Variants in INPP5A observed in about 807,000 individuals in gnomAD.
INPP5A encodes 43 kDa inositol polyphosphate 5-phophatase.
In INPP5A, 14 loss-of-function variants were observed where a neutral mutation model predicts 65.2. The ratio of observed to expected loss-of-function variants is 0.21; its 90% CI spans 0.14 to 0.34. INPP5A has a LOEUF of 0.34. Ranked by LOEUF, INPP5A falls within the 10% of genes least tolerant of loss-of-function variation. The pLI, the probability that INPP5A is intolerant of heterozygous loss-of-function variation, is 1.00. For synonymous variants in INPP5A, 207 were observed against 208.3 expected (o/e 0.99, Z 0.05); for missense variants, 431 against 545.6 (o/e 0.79, Z 2.09).
chr10:132,703,308 G>A (rs1271980275), intron 6 of INPP5A, among the ~76,000 whole-genome samples: 1 of 152,098 alleles, frequency 6.6e-6, no homozygotes, highest in Non-Finnish European at 1.5e-5. Context: ...CGCGGTGCCT[G>A]TCTTCCCATC....
rs972336105 is a variant in INPP5A, at chr10:132,650,855, C to G, written c.306+350C>G. 4.0e-5 allele frequency among the ~76,000 whole-genome samples: 6 copies of G among 151,376 alleles called. No homozygotes were observed. The highest frequency in any genetic ancestry group is 1.2e-4 in the African/African-American group (5 of 41,168). The stretch of plus-strand genomic sequence containing the variant: ...TGTAGATGAGAGGTTGGACAGCAGC[C>G]GGTATTGCTTCAAGAGCCACCGTCG... On this transcript the variant is annotated intron_variant, in intron 4 of 15. Coordinates refer to ENST00000368594, the MANE Select transcript of INPP5A (RefSeq NM_005539.5). This position sits in a 1 kb window ranked among gnomAD's most constrained non-coding sequence, Gnocchi z 5.5.
rs565618249 is a variant in INPP5A, at chr10:132,782,815, T to G, written c.*786T>G. 13 of 152,352 alleles carry G rather than the reference T, an allele frequency of 8.5e-5. No homozygotes were observed. The highest frequency in any genetic ancestry group is 1.5e-4 in the Non-Finnish European group (10 of 68,030). 9.4% of individuals were successfully genotyped at this position (152,352 alleles called of 1,614,324 possible). Reference sequence around the variant, plus strand: ...GGTAAAATCGGCCCCACAGCACGTCTGCACCAGCGGGCCGTTACTCCCATG... The same window carrying G: ...GGTAAAATCGGCCCCACAGCACGTCGGCACCAGCGGGCCGTTACTCCCATG... On this transcript the variant is annotated 3_prime_UTR_variant, in exon 16 of 16. Coordinates refer to ENST00000368594, the MANE Select transcript of INPP5A (RefSeq NM_005539.5). The surrounding 1 kb of genome is among the most constrained non-coding windows in gnomAD (Gnocchi z 4.4).
At chr10:132,781,287 GCTCA>G (rs1396247007) in intron 14 of INPP5A, among the ~76,000 whole-genome samples, 3 of 152,216 alleles carry the variant, frequency 2.0e-5, no homozygotes, top group East Asian at 3.8e-4. Flanking sequence ...CTTGGGGCAG[GCTCA>G]CTGTCAGCCG....
intron 4 of INPP5A, among the ~76,000 whole-genome samples, chr10:132,666,605 A>C (rs2133426673): frequency 6.6e-6 from 1 of 152,344 alleles, no homozygotes; most frequent in Non-Finnish European, 1.5e-5. Context: ...TCTGGAGTGC[A>C]GCAGCATCTG....
chr10:132,748,346 C>T (rs1026275206), intron 9 of INPP5A, among the ~76,000 whole-genome samples: 16 of 152,226 alleles, frequency 1.1e-4, no homozygotes, highest in South Asian at 6.2e-4. Context: ...TGCCTCTGCC[C>T]GCCATGAGCA....
In INPP5A at chr10:132,555,504, G is replaced by A. The variant is rs1294950785; in HGVS notation, c.75+17333G>A. On this transcript the variant is annotated intron_variant, in intron 1 of 15. Transcript: ENST00000368594. The surrounding 1 kb of genome is among the most constrained non-coding windows in gnomAD (Gnocchi z 4.4). ...CTTGAAGTGACTCAGGGGACCTGGCGCCGTTGGTGTGTGCTCACAAAGTGC... is the reference window on the plus strand; with the variant it reads ...CTTGAAGTGACTCAGGGGACCTGGCACCGTTGGTGTGTGCTCACAAAGTGC... Among the ~76,000 whole-genome samples the A allele has an allele frequency of 2.0e-5, 3 of 152,102 alleles. No homozygotes were observed. Among genetic ancestry groups the A allele is most frequent in the Non-Finnish European group, 4.4e-5 (3 of 68,018 alleles).
intron 1 of INPP5A, among the ~76,000 whole-genome samples, chr10:132,540,298 G>A (rs1199548152): frequency 1.3e-5 from 2 of 152,138 alleles, no homozygotes; most frequent in Non-Finnish European, 2.9e-5. Flanking sequence ...ATATTAAATT[G>A]GGTAACTTAA....
At chr10:132,597,156 A>T (rs1471430900) in intron 1 of INPP5A, among the ~76,000 whole-genome samples, 1 of 150,452 alleles carries the variant, frequency 6.6e-6, no homozygotes, top group Non-Finnish European at 1.5e-5. Context: ...CATGTGTGTG[A>T]GTGTGTGTGC....
In INPP5A at chr10:132,781,909, G is replaced by T; in HGVS notation, c.1207G>T (p.Ala403Ser). 1 of 1,613,900 alleles carries T rather than the reference G, an allele frequency of 6.2e-7. No homozygotes were observed. Among genetic ancestry groups the T allele is most frequent in the Non-Finnish European group, 8.5e-7 (1 of 1,180,010 alleles). The change falls in exon 15 of 16, where the codon GCC (alanine) becomes TCC (serine). Residue 403 changes from alanine to serine, a missense_variant. By Grantham distance (99) the Ala-to-Ser change is moderately conservative. Coordinates refer to ENST00000368594, the MANE Select transcript of INPP5A (RefSeq NM_005539.5). Reference protein sequence around the residue: ...RIMPGAGKPHAHVHKCCVVQ With the variant: ...RIMPGAGKPHSHVHKCCVVQ ...CATGCCCGGGGCAGGTAAACCTCAT[G>T]CCCATGTGCACAAGTGTTGTGTCGT...
In INPP5A at chr10:132,613,019, A is replaced by C. The variant is rs117761677; in HGVS notation, c.117+5063A>C. ...ATGGGGGAGGGCAGTCTTGGGGAGC[A>C]GGCGGCAAGACCCCAACTTGACAGA... On this transcript the variant is annotated intron_variant, in intron 2 of 15. Transcript: ENST00000368594. 7.4e-4 allele frequency among the ~76,000 whole-genome samples: 113 copies of C among 152,288 alleles called. 1 individual carries two copies. The East Asian group carries it at 0.021, about 28-fold the overall frequency.
intron 11 of INPP5A, among the ~76,000 whole-genome samples, chr10:132,765,332 G>A (rs139843882): frequency 4.9e-4 from 74 of 152,334 alleles, no homozygotes; most frequent in African/African-American, 1.4e-3. Flanking sequence ...TGTGCACCTT[G>A]GGGCCATTTT....
At position 132,548,883 on chromosome 10, in the gene INPP5A, A is replaced by G. The variant is rs559310412; in HGVS notation, c.75+10712A>G. 2.0e-5 allele frequency among the ~76,000 whole-genome samples: 3 copies of G among 150,820 alleles called. No individual in the cohort carries two copies. In the East Asian group the frequency reaches 5.9e-4, roughly 29 times the overall value. ...GCAGTCACCACTCACCGAAGCCTCA[A>G]ACTCCTGGACTCAAGCATTCTTCCT... On this transcript the variant is annotated intron_variant, in intron 1 of 15. Transcript: ENST00000368594.
chr10:132,584,040 G>A (rs370571212), intron 1 of INPP5A, among the ~76,000 whole-genome samples: 6 of 152,200 alleles, frequency 3.9e-5, no homozygotes, highest in South Asian at 2.1e-4. Context: ...CTGTGACTGC[G>A]CCACGACACT....
chr10:132,626,959 A>C (rs187328144), intron 2 of INPP5A, among the ~76,000 whole-genome samples: 129 of 152,248 alleles, frequency 8.5e-4, no homozygotes, highest in African/African-American at 2.9e-3. Flanking sequence ...TGTCCCCCCA[A>C]GTTCATAGGT....
intron 3 of INPP5A, among the ~76,000 whole-genome samples, chr10:132,646,913 C>T (rs953489203): frequency 2.0e-5 from 3 of 152,184 alleles, no homozygotes; most frequent in African/African-American, 4.8e-5. Context: ...TGGGCAGAGC[C>T]GTCGAGCCCT....
intron 11 of INPP5A, among the ~76,000 whole-genome samples, chr10:132,764,773 G>A (rs1485408187): frequency 7.2e-5 from 10 of 138,026 alleles, no homozygotes; most frequent in South Asian, 4.9e-4. Flanking sequence ...GAGGGTGTGC[G>A]TGGTGACACT....
Position 132,774,628 on chromosome 10 carries a change from C to T in INPP5A, c.978-3043C>T, listed in dbSNP as rs543906958. 2.2e-4 allele frequency among the ~76,000 whole-genome samples: 33 copies of T among 152,202 alleles called. 1 individual carries two copies. The highest frequency in any genetic ancestry group is 6.7e-4 in the African/African-American group (28 of 41,538). On this transcript the variant is annotated intron_variant, in intron 12 of 15. Transcript: ENST00000368594. ...CCCTGCCCCAAGACCTCGACATAGC[C>T]GGGCTTTTAAGCTTGTTGTCTGCTT...
chr10:132,621,872 T>A (rs1014327188), intron 2 of INPP5A, among the ~76,000 whole-genome samples: 1 of 152,074 alleles, frequency 6.6e-6, no homozygotes, highest in Non-Finnish European at 1.5e-5. Flanking sequence ...CTAGCTTAAC[T>A]TTTCCCACTG....
chr10:132,607,787 C>A, intron 1 of INPP5A, 128 bp from the exon 2 acceptor site: 1 of 901,030 alleles, frequency 1.1e-6, no homozygotes, highest in Non-Finnish European at 1.8e-6. Context: ...TGGAGCTCCT[C>A]CATGCGGGGT....
Sources: gnomAD v4.1 joint callset for allele counts (sites outside exome capture counted in the v4.1 genomes callset) on GRCh38, gnomAD v4.1.1 for gene constraint, Gnocchi (gnomAD v3.1) non-coding constraint, MANE v1.5 for transcripts, NCBI Gene and HGNC (gene_info 2026-07-23, HGNC 2026-07-21) for gene names.